ADAMTS20: variants seen among roughly 807,000 people sequenced by gnomAD.
ADAMTS20 encodes the protein ADAM metallopeptidase with thrombospondin type 1 motif 20, also known as A disintegrin and metalloproteinase with thrombospondin motifs 20.
Under a neutral mutation model 260.1 loss-of-function variants are expected in ADAMTS20, and 225 were observed. That is an observed-to-expected ratio of 0.87 (90% CI 0.78 to 0.97). The LOEUF is 0.97. ADAMTS20 is among the 50% of genes least tolerant of loss of function. The pLI is 0.00. For missense variants in ADAMTS20, 2,400 were observed against 2,337.7 expected (o/e 1.03, Z -0.55); for synonymous variants, 802 against 769.5 (o/e 1.04, Z -0.70).
At chr12:43,519,473 C>A (rs944663409) in intron 3 of ADAMTS20, among the ~76,000 whole-genome samples, 20 of 151,914 alleles carry the variant, frequency 1.3e-4, no homozygotes, top group African/African-American at 4.6e-4. Context: ...TAAAAAAAAA[C>A]CCATGCTGGG....
intron 2 of ADAMTS20, among the ~76,000 whole-genome samples, chr12:43,549,092 T>C (rs1943477993): frequency 6.6e-6 from 1 of 151,976 alleles, no homozygotes; most frequent in Non-Finnish European, 1.5e-5. Flanking sequence ...TGTTTTATTA[T>C]AAAATTTATA....
chr12:43,430,327 G>GT, intron 23 of ADAMTS20, 25 bp downstream of exon 23: 4 of 1,595,850 alleles, frequency 2.5e-6, no homozygotes, highest in Non-Finnish European at 3.4e-6. Flanking sequence ...AAATCTTTTT[G>GT]TTTGTAAACC....
chr12:43,526,421 G>A (rs1455858379), intron 3 of ADAMTS20, among the ~76,000 whole-genome samples: 2 of 152,090 alleles, frequency 1.3e-5, no homozygotes, highest in African/African-American at 2.4e-5. Flanking sequence ...TCGTGCCACT[G>A]CACTCCAGCC....
chr12:43,356,139 T>C (rs1347004240), intron 38 of ADAMTS20, among the ~76,000 whole-genome samples: 1 of 152,188 alleles, frequency 6.6e-6, no homozygotes, highest in Admixed American at 6.5e-5. Flanking sequence ...TAAAGTATAG[T>C]AAAAAGCATA....
chr12:43,459,187 T>C (rs1298254643), intron 11 of ADAMTS20, among the ~76,000 whole-genome samples: 1 of 152,192 alleles, frequency 6.6e-6, no homozygotes, highest in Non-Finnish European at 1.5e-5. Flanking sequence ...TGCTGTTTGC[T>C]GCCATCGCGG....
rs1943508814 is a variant in ADAMTS20 at position 43,551,128 on chromosome 12, G to A, written c.234C>T (p.Thr78=). 2 of 1,613,948 alleles carry A rather than the reference G, an allele frequency of 1.2e-6. No individual in the cohort carries two copies. Among genetic ancestry groups the A allele is most frequent in the African/African-American group, 1.3e-5 (1 of 75,044 alleles). ...SEALEPMPFR[T]HYRFTAYGQL... is the part of the protein sequence containing the mutation. ...GCCCGTAGGCAGTGAAGCGATAGTG[G>A]GTTCGGAACGGCATGGGTTCCAGCG... Residue 78 remains threonine, a synonymous_variant, in exon 2 of 39, where the codon ACC becomes ACT. Transcript: ENST00000389420. This position sits in a 1 kb window ranked among gnomAD's most constrained non-coding sequence, Gnocchi z 4.6.
chr12:43,508,628 G>A (rs2047207), intron 3 of ADAMTS20, among the ~76,000 whole-genome samples: 52,869 of 151,864 alleles, frequency 0.35, 9,792 homozygotes, highest in East Asian at 0.75. Flanking sequence ...AAAATATTTT[G>A]TAGGTACATA....
chr12:43,366,691 A>T (rs1939994062), intron 37 of ADAMTS20, among the ~76,000 whole-genome samples: 1 of 151,862 alleles, frequency 6.6e-6, no homozygotes, highest in African/African-American at 2.4e-5. Context: ...TAAACTCCAC[A>T]CTCTTAAATA....
chr12:43,395,676 T>A (rs929153945), intron 29 of ADAMTS20, among the ~76,000 whole-genome samples: 35 of 129,516 alleles, frequency 2.7e-4, no homozygotes, highest in Admixed American at 1.6e-3. Flanking sequence ...TGTGTGAGAT[T>A]CTTTTTTTTT....
At chr12:43,431,737 A>C (rs1221050789) in intron 21 of ADAMTS20, among the ~76,000 whole-genome samples, 1 of 152,174 alleles carries the variant, frequency 6.6e-6, no homozygotes, top group African/African-American at 2.4e-5. Context: ...TAACCTTAGA[A>C]TAAGTATTCA....
At chr12:43,493,410 A>G (rs1176977715) in intron 4 of ADAMTS20, among the ~76,000 whole-genome samples, 157 bp from the exon 5 acceptor site, 2 of 152,200 alleles carry the variant, frequency 1.3e-5, no homozygotes, top group African/African-American at 4.8e-5. Context: ...TGTTCAGACC[A>G]CATCCCTTAC....
intron 14 of ADAMTS20, among the ~76,000 whole-genome samples, chr12:43,448,413 G>T (rs1941801777): frequency 6.6e-6 from 1 of 152,118 alleles, no homozygotes; most frequent in African/African-American, 2.4e-5. Context: ...TTCAATAAAT[G>T]GTGCTGGGAT....
At chr12:43,515,145 T>C (rs1942981432) in intron 3 of ADAMTS20, among the ~76,000 whole-genome samples, 1 of 152,222 alleles carries the variant, frequency 6.6e-6, no homozygotes, top group Non-Finnish European at 1.5e-5. Flanking sequence ...ATCTGCTCCA[T>C]GTGCATAAAA....
At chr12:43,453,355 C>T (rs1035590372) in intron 12 of ADAMTS20, among the ~76,000 whole-genome samples, 1 of 152,026 alleles carries the variant, frequency 6.6e-6, no homozygotes, top group African/African-American at 2.4e-5. Context: ...ACAACAAAAA[C>T]ATTAATTTAA....
At chr12:43,404,942 A>G (rs961803554) in intron 28 of ADAMTS20, among the ~76,000 whole-genome samples, 1 of 152,220 alleles carries the variant, frequency 6.6e-6, no homozygotes, top group South Asian at 2.1e-4. Flanking sequence ...TGCCAGCTGA[A>G]CAAACTTTCA....
chr12:43,463,131 A>G (rs1479371885), intron 10 of ADAMTS20, 132 bp from the exon 11 acceptor site: 6 of 484,254 alleles, frequency 1.2e-5, no homozygotes, highest in Non-Finnish European at 2.1e-5. Flanking sequence ...ACTAATCAGC[A>G]AATTTTTTTA....
In ADAMTS20 at chr12:43,359,792, C is replaced by CA. The variant is rs1294095490; in HGVS notation, c.5539-3205dup. Reference sequence around the variant, plus strand: ...TCTGTCTATATGTTTTTGACTCAGACAAAAAATCAAGTCTATAAATCCCTC... The same window carrying CA: ...TCTGTCTATATGTTTTTGACTCAGACAAAAAAATCAAGTCTATAAATCCCTC... On this transcript the variant is annotated intron_variant, in intron 37 of 38. Transcript: ENST00000389420. Among the ~76,000 whole-genome samples the CA allele has an allele frequency of 9.9e-5, 15 of 152,214 alleles. No homozygotes were observed. In the South Asian group the frequency reaches 2.5e-3, roughly 25 times the overall value.
intron 7 of ADAMTS20, among the ~76,000 whole-genome samples, chr12:43,481,939 CT>C (rs1289076002): frequency 6.6e-6 from 1 of 152,140 alleles, no homozygotes; most frequent in Non-Finnish European, 1.5e-5. Flanking sequence ...AAAATGGAGC[CT>C]CCCAAGGGTG....
At position 43,376,578 on chromosome 12, in the gene ADAMTS20, A is replaced by T. The variant is rs1162874513; in HGVS notation, c.5071T>A (p.Leu1691Ile). Reference protein sequence around the residue: ...CITKHGLSSDLCLNHLKPGAQ... With the variant: ...CITKHGLSSDICLNHLKPGAQ... ...CCTGGTTTTAAATGGTTTAAACATA[A>T]GTCACTGGACAAACCATGTTTGGTA... The change falls in exon 33 of 39, where the codon TTA becomes ATA. Residue 1691 changes from leucine (L) to isoleucine (I), a missense_variant. Leu to Ile is a conservative substitution (Grantham distance 5). Coordinates refer to ENST00000389420, the MANE Select transcript of ADAMTS20 (RefSeq NM_025003.5). 1.2e-6 allele frequency: 2 copies of T among 1,613,600 alleles called. No homozygotes were observed. Among genetic ancestry groups the T allele is most frequent in the Non-Finnish European group, 1.7e-6 (2 of 1,179,754 alleles).
Sources: gnomAD v4.1 joint callset for allele counts (sites outside exome capture counted in the v4.1 genomes callset) on GRCh38, gnomAD v4.1.1 for gene constraint, Gnocchi (gnomAD v3.1) non-coding constraint, MANE v1.5 for transcripts, NCBI Gene and HGNC (gene_info 2026-07-23, HGNC 2026-07-21) for gene names.